Variants in GRID1 observed in about 807,000 individuals in gnomAD.
GRID1 encodes glutamate ionotropic receptor delta type subunit 1, also known as glutamate receptor ionotropic, delta-1.
Under a neutral mutation model 98.0 loss-of-function variants are expected in GRID1, and 28 were observed. The ratio of observed to expected loss-of-function variants is 0.29; its 90% CI spans 0.21 to 0.39. GRID1 has a LOEUF of 0.39. Ranked by LOEUF, GRID1 falls within the 10% of genes least tolerant of loss-of-function variation. GRID1 has a pLI of 1.00. For missense variants in GRID1, 1,111 were observed against 1,340.5 expected (o/e 0.83, Z 2.67); for synonymous variants, 553 against 538.5 (o/e 1.03, Z -0.37).
intron 2 of GRID1, among the ~76,000 whole-genome samples, chr10:86,337,384 G>A (rs1015048687): frequency 6.6e-6 from 1 of 152,122 alleles, no homozygotes; most frequent in Non-Finnish European, 1.5e-5. Flanking sequence ...TCTGTAGCCC[G>A]GGCCTTCCCA....
At chr10:86,048,386 A>G (rs1285656657) in intron 4 of GRID1, among the ~76,000 whole-genome samples, 1 of 152,178 alleles carries the variant, frequency 6.6e-6, no homozygotes, top group Non-Finnish European at 1.5e-5. Flanking sequence ...GAGCCTTCAA[A>G]ACCTTACAGA....
intron 13 of GRID1, among the ~76,000 whole-genome samples, chr10:85,630,316 T>C (rs1337926082): frequency 6.6e-6 from 1 of 152,116 alleles, no homozygotes; most frequent in Non-Finnish European, 1.5e-5. Flanking sequence ...AAGACAGGAA[T>C]AGCATGCCCA....
At chr10:85,770,794 G>A (rs908043994) in intron 8 of GRID1, among the ~76,000 whole-genome samples, 9 of 152,098 alleles carry the variant, frequency 5.9e-5, no homozygotes, top group Non-Finnish European at 8.8e-5. Context: ...AAAAAGAAAC[G>A]AACAAAGCCT....
At chr10:86,300,054 G>C (rs1847659098) in intron 2 of GRID1, among the ~76,000 whole-genome samples, 1 of 152,148 alleles carries the variant, frequency 6.6e-6, no homozygotes. Context: ...TTAGATTAGG[G>C]AGGGCCTTAC....
intron 2 of GRID1, among the ~76,000 whole-genome samples, chr10:86,328,873 C>T (rs1312860122): frequency 1.3e-5 from 2 of 152,030 alleles, no homozygotes; most frequent in Non-Finnish European, 2.9e-5. Flanking sequence ...TAAGGCCCTC[C>T]CAGGACCCCC....
chr10:85,789,734 C>A (rs1287251076), intron 8 of GRID1, among the ~76,000 whole-genome samples: 5 of 152,132 alleles, frequency 3.3e-5, no homozygotes, highest in African/African-American at 9.7e-5. Flanking sequence ...CCCCAGGAAC[C>A]CAGGAGATTT....
intron 12 of GRID1, among the ~76,000 whole-genome samples, chr10:85,677,292 C>T (rs1025480719): frequency 2.0e-5 from 3 of 152,178 alleles, no homozygotes; most frequent in African/African-American, 7.2e-5. Flanking sequence ...GCCAATAATG[C>T]ACACCCAGCC....
intron 4 of GRID1, among the ~76,000 whole-genome samples, chr10:85,975,328 C>T (rs893018035): frequency 1.3e-5 from 2 of 152,172 alleles, no homozygotes; most frequent in Non-Finnish European, 2.9e-5. Context: ...ACAGGGCTTG[C>T]GCAGCCTTTC....
intron 8 of GRID1, among the ~76,000 whole-genome samples, chr10:85,772,918 T>C (rs1312678864): frequency 6.6e-6 from 1 of 152,190 alleles, no homozygotes; most frequent in Admixed American, 6.5e-5. Flanking sequence ...GTACCATTCC[T>C]TCTGAAACTA....
At chr10:85,878,432 C>T (rs886201012) in intron 5 of GRID1, among the ~76,000 whole-genome samples, 3 of 152,338 alleles carry the variant, frequency 2.0e-5, no homozygotes, top group Non-Finnish European at 4.4e-5. Flanking sequence ...TCAGCAGAAA[C>T]TCTACAAGCC....
rs148361270 is a variant in GRID1, at chr10:86,336,666, A to C, written c.235+27275T>G. Among the ~76,000 whole-genome samples the C allele has an allele frequency of 3.4e-3, 515 of 152,308 alleles. 2 individuals carry two copies. The highest frequency in any genetic ancestry group is 5.8e-3 in the South Asian group (28 of 4,822). On this transcript the variant is annotated intron_variant, in intron 2 of 15. Transcript: ENST00000327946. ...GTTTTCATATCAGGTACTAAAGCGC[A>C]ATGATTAGGTGACAAACCTCATTTG...
chr10:85,631,660 G>A (rs936401295), intron 13 of GRID1, among the ~76,000 whole-genome samples: 1 of 152,026 alleles, frequency 6.6e-6, no homozygotes, highest in Non-Finnish European at 1.5e-5. Context: ...TTGTCAGTAG[G>A]GCAAAGGGAC....
chr10:86,142,367 T>C (rs1390963542), intron 3 of GRID1, among the ~76,000 whole-genome samples: 1 of 152,250 alleles, frequency 6.6e-6, no homozygotes, highest in African/African-American at 2.4e-5. Context: ...GAAAAAGCAA[T>C]GCCTTTACCT....
chr10:85,791,223 CCAAG>C (rs1439098897), intron 8 of GRID1, among the ~76,000 whole-genome samples: 2 of 152,180 alleles, frequency 1.3e-5, no homozygotes, highest in African/African-American at 4.8e-5. Flanking sequence ...CAACAGGAGG[CCAAG>C]CAAGGCAGAA....
chr10:86,325,732 A>C (rs977433628), intron 2 of GRID1, among the ~76,000 whole-genome samples: 1 of 152,222 alleles, frequency 6.6e-6, no homozygotes, highest in African/African-American at 2.4e-5. Context: ...GGCTAAAATC[A>C]TACTCTTTGT....
chr10:86,119,653 A>C (rs1433239744), intron 4 of GRID1, among the ~76,000 whole-genome samples: 1 of 152,122 alleles, frequency 6.6e-6, no homozygotes, highest in African/African-American at 2.4e-5. Context: ...CGCTCACCCA[A>C]ATATTAGCAC....
At chr10:86,231,659 G>A (rs2132036246) in intron 2 of GRID1, among the ~76,000 whole-genome samples, 1 of 152,286 alleles carries the variant, frequency 6.6e-6, no homozygotes, top group Admixed American at 6.5e-5. Flanking sequence ...ACCTGTCCAA[G>A]TGTGTCTCCA....
intron 4 of GRID1, among the ~76,000 whole-genome samples, chr10:86,019,592 T>C (rs1843023155): frequency 6.6e-6 from 1 of 152,246 alleles, no homozygotes; most frequent in Non-Finnish European, 1.5e-5. Context: ...CCTTTGCAGA[T>C]TGTCCATTTA....
chr10:85,869,638 A>G (rs921135843), intron 5 of GRID1, among the ~76,000 whole-genome samples: 3 of 152,226 alleles, frequency 2.0e-5, no homozygotes, highest in Admixed American at 6.5e-5. Context: ...AAATATTTGC[A>G]CACGAATTTT....
Sources: gnomAD v4.1 joint callset for allele counts (sites outside exome capture counted in the v4.1 genomes callset) on GRCh38, gnomAD v4.1.1 for gene constraint, MANE v1.5 for transcripts, NCBI Gene and HGNC (gene_info 2026-07-23, HGNC 2026-07-21) for gene names.